Variants in DYNC2H1 observed in about 807,000 individuals in gnomAD.
The protein encoded by DYNC2H1 is dynein cytoplasmic 2 heavy chain 1.
Under a neutral mutation model 570.0 loss-of-function variants are expected in DYNC2H1, and 410 were observed. The observed-to-expected ratio is 0.72, with a 90% CI of 0.66 to 0.78. The LOEUF is 0.78. Ranked by LOEUF, DYNC2H1 falls within the 30% of genes least tolerant of loss-of-function variation. DYNC2H1 has a pLI of 0.00. For missense variants in DYNC2H1, 4,865 were observed against 5,046.4 expected (o/e 0.96, Z 1.09); for synonymous variants, 1,688 against 1,677.6 (o/e 1.01, Z -0.15).
intron 85 of DYNC2H1, among the ~76,000 whole-genome samples, chr11:103,452,291 T>C (rs1944633877): frequency 6.6e-6 from 1 of 152,142 alleles, no homozygotes. Context: ...GCAAAAACTT[T>C]AAAGGAATTT....
chr11:103,435,164 T>TA (rs1252985316), intron 84 of DYNC2H1, among the ~76,000 whole-genome samples: 2 of 152,180 alleles, frequency 1.3e-5, no homozygotes, highest in Non-Finnish European at 2.9e-5. Flanking sequence ...TTGGTCATCT[T>TA]ACAATTCCCA....
At chr11:103,301,744 G>C (rs896181131) in intron 75 of DYNC2H1, among the ~76,000 whole-genome samples, 1 of 151,814 alleles carries the variant, frequency 6.6e-6, no homozygotes, top group African/African-American at 2.4e-5. Flanking sequence ...TACCTTTTCT[G>C]GTTGGCTATC....
intron 30 of DYNC2H1, among the ~76,000 whole-genome samples, chr11:103,164,801 A>G (rs1485820917): frequency 6.6e-6 from 1 of 152,198 alleles, no homozygotes; most frequent in Non-Finnish European, 1.5e-5. Context: ...CTGTAACTTA[A>G]CTCTAACTTT....
intron 84 of DYNC2H1, among the ~76,000 whole-genome samples, chr11:103,422,719 A>G (rs1591729239): frequency 6.6e-6 from 1 of 152,292 alleles, no homozygotes; most frequent in East Asian, 1.9e-4. Flanking sequence ...TGACAAACCC[A>G]TAGTGATGTA....
At position 103,199,255 on chromosome 11, in the gene DYNC2H1, C is replaced by T; in HGVS notation, c.7867C>T (p.Gln2623Ter). 13 of 1,596,704 alleles carry T rather than the reference C, an allele frequency of 8.1e-6. No homozygotes were observed. Among genetic ancestry groups the T allele is most frequent in the Non-Finnish European group, 1.1e-5 (13 of 1,171,116 alleles). ...TCTTATTCATTATGGACGAGATAAC[C>T]AGAATTTAGACATTTTACTTTTCCA... is the stretch of plus-strand genomic sequence containing the variant. ...KGLIHYGRDN[Q>*]NLDILLFHEV... The change falls in exon 49 of 89, where the codon CAG becomes TAG. Residue 2623 changes from glutamine (Q) to a stop codon, truncating the protein, a stop_gained. Transcript: ENST00000375735. LOFTEE classifies it high-confidence loss of function. The surrounding 1 kb of genome is among the most constrained non-coding windows in gnomAD (Gnocchi z 4.6).
At chr11:103,288,891 A>AAAAAG (rs1256575285) in intron 75 of DYNC2H1, among the ~76,000 whole-genome samples, 6 of 150,276 alleles carry the variant, frequency 4.0e-5, no homozygotes, top group Non-Finnish European at 8.9e-5. Flanking sequence ...AAAAAAAAAA[A>AAAAAG]AAAAAGAAAG....
At chr11:103,314,314 C>G (rs1299616060) in intron 79 of DYNC2H1, among the ~76,000 whole-genome samples, 2 of 152,032 alleles carry the variant, frequency 1.3e-5, no homozygotes, top group African/African-American at 4.8e-5. Context: ...AAGCACAGCT[C>G]TGTACCTTGC....
Position 103,280,276 on chromosome 11 carries a change from A to G in DYNC2H1, c.10696-72A>G, listed in dbSNP as rs1218670229. 2.7e-6 allele frequency: 4 copies of G among 1,475,460 alleles called. No individual in the cohort carries two copies. In the African/African-American group the frequency reaches 4.2e-5, roughly 16 times the overall value. The allele number at this position is 1,475,460 out of a possible 1,614,324, so 91.4% of individuals were successfully genotyped here. On this transcript the variant is annotated intron_variant, in intron 70 of 88. Coordinates refer to ENST00000375735, the MANE Select transcript of DYNC2H1 (RefSeq NM_001377.3). The surrounding 1 kb of genome is among the most constrained non-coding windows in gnomAD (Gnocchi z 4.7). ...ACAGAATAGAGATTTTTGTGTGCCA[A>G]ATTTTAACGACTATGCTTTTCCAAA...
At position 103,198,412 on chromosome 11, in the gene DYNC2H1, T is replaced by G. The variant is rs553741806; in HGVS notation, c.7839+349T>G. Among the ~76,000 whole-genome samples, 67 of 152,292 alleles carry G rather than the reference T, an allele frequency of 4.4e-4. No homozygotes were observed. The South Asian group carries it at 9.5e-3, about 22-fold the overall frequency. On this transcript the variant is annotated intron_variant, in intron 48 of 88. Coordinates refer to ENST00000375735, the MANE Select transcript of DYNC2H1 (RefSeq NM_001377.3). ...TGCAGATTCCTGGGTCTCATCCTCT[T>G]AAGTGTCAGATTCATTAGGTGACCC...
At position 103,468,713 on chromosome 11, in the gene DYNC2H1, AT is replaced by A; in HGVS notation, c.12765+13del. ...ATGGGCTGGATTCCACAGGTAATACATTTTTAACAAGCACAAGTTTTAATTA... is the reference window on the plus strand; with the variant it reads ...ATGGGCTGGATTCCACAGGTAATACATTTTAACAAGCACAAGTTTTAATTA... On this transcript the variant is annotated intron_variant, in intron 88 of 88. Transcript: ENST00000375735. 1.9e-6 allele frequency: 3 copies of A among 1,583,632 alleles called. No homozygotes were observed. The highest frequency in any genetic ancestry group is 2.6e-6 in the Non-Finnish European group (3 of 1,154,820).
At position 103,177,870 on chromosome 11, in the gene DYNC2H1, T is replaced by A; in HGVS notation, c.6139+50T>A. The A allele has an allele frequency of 6.5e-7, 1 of 1,542,248 alleles. No homozygotes were observed. The highest frequency in any genetic ancestry group is 1.3e-5 in the South Asian group (1 of 77,172). Reference sequence around the variant, plus strand: ...GCTTTACTTAGTAATTCTTAGATAATGATATAATTTGTCTATAATGCTGTC... The same window carrying A: ...GCTTTACTTAGTAATTCTTAGATAAAGATATAATTTGTCTATAATGCTGTC... On this transcript the variant is annotated intron_variant, in intron 38 of 88. Coordinates refer to ENST00000375735, the MANE Select transcript of DYNC2H1 (RefSeq NM_001377.3). The surrounding 1 kb of genome is among the most constrained non-coding windows in gnomAD (Gnocchi z 4.4).
chr11:103,227,562 G>T (rs1235934208), intron 59 of DYNC2H1, among the ~76,000 whole-genome samples: 1 of 152,024 alleles, frequency 6.6e-6, no homozygotes, highest in Non-Finnish European at 1.5e-5. Flanking sequence ...ATATAATTTC[G>T]ATTTTCTTAA....
intron 87 of DYNC2H1, among the ~76,000 whole-genome samples, chr11:103,462,163 G>A (rs900539350): frequency 7.2e-5 from 11 of 152,086 alleles, no homozygotes; most frequent in African/African-American, 2.7e-4. Context: ...TATTACCACT[G>A]TTACAGGAGT....
chr11:103,283,068 G>A lies in DYNC2H1; in HGVS notation c.10873G>A (p.Ala3625Thr). The change falls in exon 73 of 89, where the codon GCC (alanine) becomes ACC (threonine). Residue 3625 changes from alanine (A) to threonine (T), a missense_variant. This residue lies in a region of DYNC2H1 where 2,401 missense variants were observed against 2,454.6 expected (regional missense o/e 0.98). Coordinates refer to ENST00000375735, the MANE Select transcript of DYNC2H1 (RefSeq NM_001377.3). ...TTGGATAGATCAGGAACGAAGCTGG[G>A]CCGTGGCAACATTAAAGGTATTCCT... Reference protein sequence around the residue: ...PSWIDQERSWAVATLKIALPS... With the variant: ...PSWIDQERSWTVATLKIALPS... 6 of 1,607,488 alleles carry A rather than the reference G, an allele frequency of 3.7e-6. No homozygotes were observed. The highest frequency in any genetic ancestry group is 5.1e-6 in the Non-Finnish European group (6 of 1,176,166).
intron 84 of DYNC2H1, among the ~76,000 whole-genome samples, chr11:103,418,184 A>G (rs1023616376): frequency 6.8e-6 from 1 of 146,436 alleles, no homozygotes; most frequent in African/African-American, 2.6e-5. Context: ...TAAAAATATT[A>G]AGAAAAATAA....
At position 103,307,850 on chromosome 11, in the gene DYNC2H1, T is replaced by C. The variant is rs930301481; in HGVS notation, c.11493+19T>C. The C allele has an allele frequency of 8.3e-6, 12 of 1,450,900 alleles. No individual in the cohort carries two copies. Among genetic ancestry groups the C allele is most frequent in the African/African-American group, 1.4e-5 (1 of 71,502 alleles). The allele number at this position is 1,450,900 out of a possible 1,614,324, so 89.9% of individuals were successfully genotyped here. ...ATATGAGGTAAGAAGATTTAAAACT[T>C]GGATCACCAGTTGTATGAAAGCAGT... On this transcript the variant is annotated intron_variant, in intron 78 of 88. Coordinates refer to ENST00000375735, the MANE Select transcript of DYNC2H1 (RefSeq NM_001377.3).
intron 82 of DYNC2H1, among the ~76,000 whole-genome samples, chr11:103,332,300 GA>G (rs66900119): frequency 0.12 from 11,339 of 95,492 alleles, 1,011 homozygotes; most frequent in African/African-American, 0.29. Context: ...AACATAAGGA[GA>G]AAAAAACTGG....
intron 85 of DYNC2H1, among the ~76,000 whole-genome samples, chr11:103,450,812 A>T (rs968016050): frequency 2.6e-5 from 4 of 152,210 alleles, no homozygotes; most frequent in Non-Finnish European, 5.9e-5. Flanking sequence ...TTGCAATTAT[A>T]TGTGAATGAA....
At chr11:103,452,824 C>T (rs749014010) in intron 85 of DYNC2H1, among the ~76,000 whole-genome samples, 1 of 151,972 alleles carries the variant, frequency 6.6e-6, no homozygotes, top group African/African-American at 2.4e-5. Context: ...TCAGTAAATG[C>T]TTCTGAGTAA....
Sources: allele counts gnomAD v4.1 joint callset (sites outside exome capture counted in the v4.1 genomes callset), GRCh38; gene constraint gnomAD v4.1.1; regional missense constraint gnomAD v4.1.1; non-coding constraint Gnocchi (gnomAD v3.1); transcripts MANE v1.5; gene names NCBI Gene and HGNC (gene_info 2026-07-23, HGNC 2026-07-21).